Variants in RASA1 observed in about 807,000 individuals in gnomAD.
RASA1 encodes ras GTPase-activating protein 1.
Under a neutral mutation model 132.2 loss-of-function variants are expected in RASA1, and 25 were observed. The observed-to-expected ratio is 0.19, with a 90% confidence interval of 0.14 to 0.26. The LOEUF is 0.26. Ranked by LOEUF, RASA1 falls within the 10% of genes least tolerant of loss-of-function variation. RASA1 has a pLI of 1.00. For synonymous variants in RASA1, 477 were observed against 449.9 expected (o/e 1.06, Z -0.76); for missense variants, 964 against 1,299.2 (o/e 0.74, Z 3.97).
At chr5:87,349,522 TAGAC>T (rs1489583988) in intron 8 of RASA1, among the ~76,000 whole-genome samples, 158 bp downstream of exon 8, 1 of 151,946 alleles carries the variant, frequency 6.6e-6, no homozygotes, top group African/African-American at 2.4e-5. Context: ...AAGAATTCTT[TAGAC>T]AGTGTCAAAT....
chr5:87,341,844 C>G (rs1758492708), intron 6 of RASA1, among the ~76,000 whole-genome samples: 1 of 152,100 alleles, frequency 6.6e-6, no homozygotes. Context: ...CTCCTAATAT[C>G]TTTTCAGTAC....
chr5:87,287,630 G>A (rs779983168), intron 1 of RASA1, among the ~76,000 whole-genome samples: 30 of 138,064 alleles, frequency 2.2e-4, no homozygotes, highest in African/African-American at 5.2e-4. Flanking sequence ...ACATATACAC[G>A]CCATAGATAT....
intron 11 of RASA1, among the ~76,000 whole-genome samples, chr5:87,367,862 G>T (rs976623167): frequency 3.9e-5 from 6 of 152,000 alleles, no homozygotes; most frequent in African/African-American, 1.2e-4. Context: ...TAGAGGTAAT[G>T]TATCTTTGTC....
intron 15 of RASA1, among the ~76,000 whole-genome samples, chr5:87,375,502 C>A (rs1363539166): frequency 6.6e-6 from 1 of 152,218 alleles, no homozygotes; most frequent in East Asian, 1.9e-4. Flanking sequence ...CTCAGGTGAT[C>A]TGCCGGCCTC....
intron 9 of RASA1, 41 bp downstream of exon 9, chr5:87,353,276 T>C: frequency 6.9e-7 from 1 of 1,458,304 alleles, no homozygotes; most frequent in African/African-American, 1.4e-5. Context: ...AGCATTTTAT[T>C]TTAAAATGCA....
chr5:87,364,205 C>T (rs768540397), intron 11 of RASA1, among the ~76,000 whole-genome samples: 1 of 152,004 alleles, frequency 6.6e-6, no homozygotes, highest in Non-Finnish European at 1.5e-5. Context: ...GTTTTTCTGC[C>T]GCAGGATGGC....
intron 4 of RASA1, among the ~76,000 whole-genome samples, chr5:87,337,115 A>G (rs1464209518): frequency 6.6e-6 from 1 of 152,100 alleles, no homozygotes; most frequent in Non-Finnish European, 1.5e-5. Flanking sequence ...TACAGGGTTA[A>G]TGGTACCATC....
intron 1 of RASA1, among the ~76,000 whole-genome samples, chr5:87,288,155 T>TAC (rs1385133967): frequency 2.0e-5 from 3 of 147,368 alleles, no homozygotes; most frequent in Non-Finnish European, 4.5e-5. Context: ...CATATATATA[T>TAC]ACCATATATA....
At chr5:87,341,464 A>G (rs887607606) in intron 6 of RASA1, 143 bp downstream of exon 6, 9 of 436,488 alleles carry the variant, frequency 2.1e-5, no homozygotes, top group African/African-American at 8.2e-5. Context: ...TGATTTCTAA[A>G]TATTTTCTTA....
At chr5:87,366,920 TA>T (rs1187003675) in intron 11 of RASA1, among the ~76,000 whole-genome samples, 2 of 152,140 alleles carry the variant, frequency 1.3e-5, no homozygotes, top group African/African-American at 4.8e-5. Flanking sequence ...TGGTCCTACC[TA>T]CTCAGGAGAG....
Position 87,353,311 on chromosome 5 carries a change from A to C in RASA1, c.1332+76A>C, listed in dbSNP as rs1759418266. On this transcript the variant is annotated intron_variant, in intron 9 of 24. Coordinates refer to ENST00000274376, the MANE Select transcript of RASA1 (RefSeq NM_002890.3). ...ATTTTGGTGGTATGTTTTTGCACAC[A>C]TTTGTACAATTCAAATTGGATACAA... 5.3e-6 allele frequency: 6 copies of C among 1,142,478 alleles called. No homozygotes were observed. The Admixed American group carries it at 1.1e-4, about 21-fold the overall frequency. 70.8% of individuals were successfully genotyped at this position (1,142,478 alleles called of 1,614,324 possible).
chr5:87,365,558 G>A (rs544863388), intron 11 of RASA1, among the ~76,000 whole-genome samples: 6 of 152,036 alleles, frequency 3.9e-5, no homozygotes, highest in Non-Finnish European at 7.4e-5. Flanking sequence ...ATATAAGGAG[G>A]TTCTTGAAAA....
chr5:87,363,480 T>C lies in RASA1; in HGVS notation c.1586T>C (p.Val529Ala). 3 of 1,612,502 alleles carry C rather than the reference T, an allele frequency of 1.9e-6. No homozygotes were observed. The highest frequency in any genetic ancestry group is 2.5e-6 in the Non-Finnish European group (3 of 1,178,836). Reference sequence around the variant, plus strand: ...GATCTCAGTGTATGTTCTGTCTATGTCGTTCATGATAGTCTCTTTGGCAGG... The same window carrying C: ...GATCTCAGTGTATGTTCTGTCTATGCCGTTCATGATAGTCTCTTTGGCAGG... ...LIDLSVCSVY[V>A]VHDSLFGRPN... The change falls in exon 11 of 25, where the codon GTC becomes GCC. Residue 529 changes from valine (V) to alanine (A), a missense_variant. Coordinates refer to ENST00000274376, the MANE Select transcript of RASA1 (RefSeq NM_002890.3).
At chr5:87,299,335 G>A (rs568295082) in intron 1 of RASA1, among the ~76,000 whole-genome samples, 42 of 152,126 alleles carry the variant, frequency 2.8e-4, no homozygotes, top group Non-Finnish European at 4.7e-4. Context: ...TGGAAAACCT[G>A]AGTTTGTGGT....
chr5:87,319,921 C>G (rs902413070), intron 1 of RASA1, among the ~76,000 whole-genome samples: 1 of 152,222 alleles, frequency 6.6e-6, no homozygotes, highest in African/African-American at 2.4e-5. Context: ...TTCACACCGT[C>G]TCTTCATACA....
In RASA1 at chr5:87,346,863, C is replaced by G. The variant is rs563512986; in HGVS notation, c.1102+139C>G. 13 of 563,108 alleles carry G rather than the reference C, an allele frequency of 2.3e-5. No homozygotes were observed. The East Asian group carries it at 3.8e-4, about 16-fold the overall frequency. The allele number at this position is 563,108 out of a possible 1,614,324, so 34.9% of individuals were successfully genotyped here. ...TAATTTCGTGTCCAGTACTAAGAAG[C>G]TGGTGTTTTTATTTATATTTTAAAC... On this transcript the variant is annotated intron_variant, in intron 7 of 24. Coordinates refer to ENST00000274376, the MANE Select transcript of RASA1 (RefSeq NM_002890.3).
chr5:87,339,253 G>C (rs1240503121), intron 5 of RASA1, among the ~76,000 whole-genome samples: 1 of 152,118 alleles, frequency 6.6e-6, no homozygotes, highest in Non-Finnish European at 1.5e-5. Flanking sequence ...ATACTGAGTA[G>C]AGGTGGGAAA....
At chr5:87,336,729 CT>C (rs1272909933) in intron 4 of RASA1, among the ~76,000 whole-genome samples, 1 of 152,050 alleles carries the variant, frequency 6.6e-6, no homozygotes, top group Non-Finnish European at 1.5e-5. Flanking sequence ...GTGCACCCTC[CT>C]TTTACTCATA....
intron 12 of RASA1, among the ~76,000 whole-genome samples, chr5:87,371,044 A>G (rs928553015): frequency 3.3e-5 from 5 of 152,124 alleles, no homozygotes; most frequent in African/African-American, 1.2e-4. Context: ...ATTTTTTTAA[A>G]TGTTAGAAAT....
Sources: allele counts gnomAD v4.1 joint callset (sites outside exome capture counted in the v4.1 genomes callset), GRCh38; gene constraint gnomAD v4.1.1; transcripts MANE v1.5; gene names NCBI Gene and HGNC (gene_info 2026-07-23, HGNC 2026-07-21).